PSIP1: variants seen among roughly 807,000 people sequenced by gnomAD.
PSIP1 encodes PC4 and SFRS1-interacting protein.
A neutral mutation model predicts 74.7 loss-of-function variants in PSIP1; 19 were observed. The ratio of observed to expected loss-of-function variants is 0.25; its 90% CI spans 0.18 to 0.37. The LOEUF (loss-of-function observed/expected upper bound fraction) is 0.37. PSIP1 is among the 10% of genes least tolerant of loss of function. The pLI is 1.00. For missense variants in PSIP1, 601 were observed against 614.3 expected (o/e 0.98, Z 0.23); for synonymous variants, 222 against 195.3 (o/e 1.14, Z -1.14).
intron 3 of PSIP1, among the ~76,000 whole-genome samples, chr9:15,503,366 A>T (rs2037433499): frequency 6.8e-6 from 1 of 146,484 alleles, no homozygotes. Context: ...ACTCCATCAC[A>T]AAAAATAAAA....
chr9:15,466,029 A>G (rs552441494), intron 15 of PSIP1: 28 of 155,070 alleles, frequency 1.8e-4, no homozygotes, highest in Admixed American at 8.4e-4. Context: ...TACACAGTGG[A>G]ACAAAGCAAG....
intron 6 of PSIP1, among the ~76,000 whole-genome samples, chr9:15,483,992 G>A (rs2036448159): frequency 6.6e-6 from 1 of 151,704 alleles, no homozygotes; most frequent in Non-Finnish European, 1.5e-5. Context: ...GCCAGGCGTG[G>A]TGGTGCACGT....
Position 15,474,175 on chromosome 9 carries a change from G to T in PSIP1, c.692C>A (p.Pro231His). The T allele has an allele frequency of 1.2e-6, 2 of 1,612,778 alleles. No homozygotes were observed. Among genetic ancestry groups the T allele is most frequent in the South Asian group, 2.2e-5 (2 of 90,958 alleles). ...GQEEKQPKKQ[P>H]KKDEEGQKEE... ...CTTCTGGCCCTCTTCATCCTTCTTA[G>T]GCTGCTTTTTAGGTTGTTTTTCCTC... Residue 231 changes from proline (P) to histidine (H), a missense_variant, in exon 9 of 16, where the codon CCT becomes CAT. Pro to His is a moderately conservative substitution (Grantham distance 77). Transcript: ENST00000380733.
chr9:15,476,825 G>A lies in PSIP1; in HGVS notation c.629+1652C>T, dbSNP rs113749276. Among the ~76,000 whole-genome samples, 125 of 152,282 alleles carry A rather than the reference G, an allele frequency of 8.2e-4. 2 individuals are homozygous for A. The highest frequency in any genetic ancestry group is 2.5e-3 in the African/African-American group (104 of 41,570). On this transcript the variant is annotated intron_variant, in intron 8 of 15. Transcript: ENST00000380733. ...TCCATCAAAAGAAAGTAAGTGAGATGAGGATAAGTTCCTAAAAAGGTACAC... is the reference window on the plus strand; with the variant it reads ...TCCATCAAAAGAAAGTAAGTGAGATAAGGATAAGTTCCTAAAAAGGTACAC...
intron 3 of PSIP1, among the ~76,000 whole-genome samples, chr9:15,497,889 T>C (rs892136536): frequency 2.6e-5 from 4 of 152,214 alleles, no homozygotes; most frequent in African/African-American, 9.6e-5. Context: ...TATATAACTA[T>C]GCAATTTCAA....
At position 15,486,038 on chromosome 9, in the gene PSIP1, G is replaced by C; in HGVS notation, c.424C>G (p.Pro142Ala). 1.2e-6 allele frequency: 2 copies of C among 1,609,654 alleles called. No homozygotes were observed. Among genetic ancestry groups the C allele is most frequent in the Non-Finnish European group, 1.7e-6 (2 of 1,176,628 alleles). Residue 142 changes from proline (P) to alanine (A), a missense_variant, in exon 6 of 16, where the codon CCA (proline) becomes GCA (alanine). By Grantham distance (27) the Pro-to-Ala change is conservative. Transcript: ENST00000380733. ...DVTKAVDITTPKAARRGRKRK... is the reference protein window; with the variant it reads ...DVTKAVDITTAKAARRGRKRK... ...TTTCTCCCCCTTCTGGCAGCTTTTG[G>C]AGTAGTTATGTCAACTGCTTTAGTC... is the stretch of plus-strand genomic sequence containing the variant.
chr9:15,472,265 G>A (rs2035869829), intron 10 of PSIP1: 2 of 999,134 alleles, frequency 2.0e-6, no homozygotes, highest in Non-Finnish European at 1.2e-6. Context: ...GATGAATAAG[G>A]GCATTTCCTG....
At chr9:15,473,148 G>C (rs758986739) in intron 9 of PSIP1, among the ~76,000 whole-genome samples, 1 of 152,160 alleles carries the variant, frequency 6.6e-6, no homozygotes. Flanking sequence ...TGCATGACCT[G>C]AATCTGTAAA....
chr9:15,467,162 T>C (rs1342154594), intron 14 of PSIP1, among the ~76,000 whole-genome samples: 1 of 152,234 alleles, frequency 6.6e-6, no homozygotes. Flanking sequence ...TTCTGGTTGT[T>C]ACTATTACCA....
rs181224880 is a variant in PSIP1 at position 15,471,422 on chromosome 9, A to G, written c.977+1210T>C. On this transcript the variant is annotated intron_variant, in intron 10 of 15. Transcript: ENST00000380733. ...TCAAAAGAAACTGAAATACATAAAG[A>G]TAACTTTAAGATACTAAAGAAGGGT... 457 of 1,471,572 alleles carry G rather than the reference A, an allele frequency of 3.1e-4. 1 individual carries two copies. In the Middle Eastern group the frequency reaches 6.5e-3, roughly 21 times the overall value. The allele number at this position is 1,471,572 out of a possible 1,614,324, so 91.2% of individuals were successfully genotyped here.
chr9:15,486,049 T>C lies in PSIP1; in HGVS notation c.413A>G (p.Asp138Gly), dbSNP rs2036544684. 3 of 1,608,736 alleles carry C rather than the reference T, an allele frequency of 1.9e-6. No homozygotes were observed. The highest frequency in any genetic ancestry group is 2.6e-6 in the Non-Finnish European group (3 of 1,175,874). ...ASNEDVTKAVDITTPKAARRG... is the reference protein window; with the variant it reads ...ASNEDVTKAVGITTPKAARRG... ...TCTGGCAGCTTTTGGAGTAGTTATG[T>C]CAACTGCTTTAGTCACATCCTAAAA... Residue 138 changes from aspartate to glycine, a missense_variant, in exon 6 of 16, where the codon GAC becomes GGC. By Grantham distance (94) the Asp-to-Gly change is moderately conservative. Around this residue, in one of 2 missense-constraint regions of PSIP1, gnomAD observed 538 missense variants for 507.6 expected, o/e 1.06. Coordinates refer to ENST00000380733, the MANE Select transcript of PSIP1 (RefSeq NM_033222.5).
intron 3 of PSIP1, among the ~76,000 whole-genome samples, chr9:15,503,198 C>G (rs191612265): frequency 2.0e-5 from 3 of 151,916 alleles, no homozygotes; most frequent in Non-Finnish European, 4.4e-5. Context: ...GAAACCCCAT[C>G]TCTACTAAAA....
intron 14 of PSIP1, among the ~76,000 whole-genome samples, chr9:15,467,614 A>G (rs1587450739): frequency 1.3e-5 from 2 of 152,246 alleles, no homozygotes; most frequent in South Asian, 2.1e-4. Flanking sequence ...CAAAAGCACA[A>G]TGATCATAAA....
chr9:15,477,045 C>T (rs992941041), intron 8 of PSIP1, among the ~76,000 whole-genome samples: 4 of 152,110 alleles, frequency 2.6e-5, no homozygotes, highest in Non-Finnish European at 4.4e-5. Context: ...AAACTGGGAC[C>T]TAATTAGGGA....
chr9:15,473,932 A>G lies in PSIP1; in HGVS notation c.858+77T>C, dbSNP rs1029428289. On this transcript the variant is annotated intron_variant, in intron 9 of 15. Transcript: ENST00000380733. ...AAAAAAAACAAAAAAAAAAACAAAAAAAAAACAAAGAAAAAACAAAAAATA... is the reference window on the plus strand; with the variant it reads ...AAAAAAAACAAAAAAAAAAACAAAAGAAAAACAAAGAAAAAACAAAAAATA... 7.2e-6 allele frequency: 7 copies of G among 970,184 alleles called. No homozygotes were observed. The South Asian group carries it at 1.3e-4, about 18-fold the overall frequency. The allele number at this position is 970,184 out of a possible 1,614,324, so 60.1% of individuals were successfully genotyped here.
chr9:15,474,279 A>G, intron 8 of PSIP1, 42 bp from the exon 9 acceptor site: 2 of 1,486,836 alleles, frequency 1.3e-6, no homozygotes, highest in African/African-American at 2.8e-5. Flanking sequence ...TCATTCAACT[A>G]TAATAGTATT....
chr9:15,483,424 C>T (rs934937709), intron 6 of PSIP1, among the ~76,000 whole-genome samples: 3 of 150,936 alleles, frequency 2.0e-5, no homozygotes, highest in South Asian at 4.2e-4. Context: ...AATCCCATCT[C>T]TCGTCTACAC....
intron 3 of PSIP1, among the ~76,000 whole-genome samples, chr9:15,494,959 A>C (rs1480808861): frequency 6.6e-6 from 1 of 152,206 alleles, no homozygotes; most frequent in Non-Finnish European, 1.5e-5. Context: ...TGGTCAGAAC[A>C]AACCCAATTC....
At chr9:15,489,951 AT>A in intron 4 of PSIP1, 34 bp downstream of exon 4, 1 of 1,454,314 alleles carries the variant, frequency 6.9e-7, no homozygotes, top group Non-Finnish European at 9.2e-7. Context: ...CCAGGATTAA[AT>A]AAGTAATATC....
Sources: gnomAD v4.1 joint callset for allele counts (sites outside exome capture counted in the v4.1 genomes callset) on GRCh38, gnomAD v4.1.1 for gene constraint, gnomAD v4.1.1 regional missense constraint, MANE v1.5 for transcripts, NCBI Gene and HGNC (gene_info 2026-07-23, HGNC 2026-07-21) for gene names.